The following PLEKHH2 variants were observed in gnomAD, a reference collection of about 807,000 sequenced individuals.
The protein encoded by PLEKHH2 is pleckstrin homology domain-containing family H member 2.
A neutral mutation model predicts 187.9 loss-of-function variants in PLEKHH2; 129 were observed. That is an observed-to-expected ratio of 0.69 (90% CI 0.59 to 0.79). The LOEUF is 0.79. PLEKHH2 is among the 30% of genes least tolerant of loss of function. PLEKHH2 has a pLI of 0.00. For missense variants in PLEKHH2, 2,076 were observed against 1,751.2 expected (o/e 1.19, Z -3.31); for synonymous variants, 686 against 605.6 (o/e 1.13, Z -1.95).
chr2:43,644,254 A>C (rs943658392), intron 1 of PLEKHH2, among the ~76,000 whole-genome samples: 14 of 152,166 alleles, frequency 9.2e-5, no homozygotes, highest in African/African-American at 3.1e-4. Context: ...AAACAATCTT[A>C]TCTGTTGGGC....
At chr2:43,750,721 A>G (rs1290644899) in intron 24 of PLEKHH2, among the ~76,000 whole-genome samples, 3 of 152,198 alleles carry the variant, frequency 2.0e-5, no homozygotes, top group Non-Finnish European at 4.4e-5. Context: ...CTTGCCTAAG[A>G]CTATGAAAGG....
chr2:43,711,962 TAAAC>T (rs1669989647), intron 14 of PLEKHH2: 1 of 1,130,804 alleles, frequency 8.8e-7, no homozygotes, highest in Non-Finnish European at 1.1e-6. Flanking sequence ...ATGTGACAAA[TAAAC>T]AAGATATAAA....
chr2:43,645,869 A>G (rs940738830), intron 2 of PLEKHH2, among the ~76,000 whole-genome samples: 1 of 152,160 alleles, frequency 6.6e-6, no homozygotes, highest in Non-Finnish European at 1.5e-5. Flanking sequence ...CTGAAACACT[A>G]ATCTGCATAA....
intron 3 of PLEKHH2, among the ~76,000 whole-genome samples, chr2:43,684,628 A>T (rs10168039): frequency 0.021 from 3,253 of 152,072 alleles, 129 homozygotes; most frequent in African/African-American, 0.074. Flanking sequence ...GATTCAAGGG[A>T]AGCAAACCAC....
At chr2:43,732,819 C>T (rs1671108505) in intron 19 of PLEKHH2, among the ~76,000 whole-genome samples, 1 of 152,144 alleles carries the variant, frequency 6.6e-6, no homozygotes, top group South Asian at 2.1e-4. Flanking sequence ...CAGATCCCAA[C>T]CTAGATCAGT....
chr2:43,700,659 C>CT (rs566038438), intron 8 of PLEKHH2, 51 bp downstream of exon 8: 455 of 1,516,742 alleles, frequency 3.0e-4, no homozygotes, highest in Middle Eastern at 5.3e-4. Context: ...TTTCTCAACA[C>CT]TTTTTTTTTC....
At chr2:43,703,916 CTTTTTTTTTTTTTT>C (rs10530805) in intron 8 of PLEKHH2, 51 bp from the exon 9 acceptor site, 2 of 384,586 alleles carry the variant, frequency 5.2e-6, no homozygotes, top group East Asian at 7.6e-5. Flanking sequence ...TGAAAGTAGT[CTTTTTTTTTTTTTT>C]TTTTTTTTTT....
At chr2:43,728,129 C>G (rs1670854778) in intron 17 of PLEKHH2, among the ~76,000 whole-genome samples, 3 of 152,026 alleles carry the variant, frequency 2.0e-5, no homozygotes, top group Non-Finnish European at 4.4e-5. Flanking sequence ...TCAAGAGTTC[C>G]TAAAAGTTTT....
At chr2:43,762,216 G>A (rs1265015486) in intron 27 of PLEKHH2, 88 bp from the exon 28 acceptor site, 1 of 1,004,242 alleles carries the variant, frequency 1.0e-6, no homozygotes, top group East Asian at 2.4e-5. Flanking sequence ...GTTGTTTAAT[G>A]GCAAATGTTA....
At chr2:43,744,641 G>A (rs912737426) in intron 23 of PLEKHH2, among the ~76,000 whole-genome samples, 6 of 152,126 alleles carry the variant, frequency 3.9e-5, no homozygotes. Flanking sequence ...GCCGGGTCAG[G>A]TGGATCATTT....
At chr2:43,715,367 A>G (rs116366633) in intron 15 of PLEKHH2, among the ~76,000 whole-genome samples, 1 of 152,160 alleles carries the variant, frequency 6.6e-6, no homozygotes, top group Non-Finnish European at 1.5e-5. Context: ...GGGCCTATGG[A>G]TGGTGGAAAG....
Position 43,712,223 on chromosome 2 carries a change from A to G in PLEKHH2, c.2302-2A>G. ...TCCTATACCTTTCTCGTTGCATTCT[A>G]GTTGACCACTGAAAAACACACATAC... On this transcript the variant is annotated splice_acceptor_variant, in intron 14 of 29. Transcript: ENST00000282406. LOFTEE classifies it high-confidence loss of function. 6.2e-7 allele frequency: 1 copy of G among 1,611,758 alleles called. No homozygotes were observed. The highest frequency in any genetic ancestry group is 1.1e-5 in the South Asian group (1 of 91,012).
intron 17 of PLEKHH2, among the ~76,000 whole-genome samples, chr2:43,728,061 C>A (rs1020056233): frequency 6.6e-6 from 1 of 152,066 alleles, no homozygotes; most frequent in African/African-American, 2.4e-5. Context: ...CTCCTATATA[C>A]CACTGGTGAG....
chr2:43,649,218 T>C (rs1666351096), intron 2 of PLEKHH2, among the ~76,000 whole-genome samples: 1 of 152,204 alleles, frequency 6.6e-6, no homozygotes, highest in African/African-American at 2.4e-5. Flanking sequence ...TATAAACTCT[T>C]CAGGGAAGCT....
At chr2:43,640,713 T>A (rs1050499149) in intron 1 of PLEKHH2, among the ~76,000 whole-genome samples, 10 of 152,188 alleles carry the variant, frequency 6.6e-5, no homozygotes, top group African/African-American at 2.4e-4. Context: ...TTATTGGCCA[T>A]TTGTATATCT....
chr2:43,764,089 T>G, intron 28 of PLEKHH2, 139 bp from the exon 29 acceptor site: 1 of 500,414 alleles, frequency 2.0e-6, no homozygotes, highest in Non-Finnish European at 3.2e-6. Flanking sequence ...TCATAATACA[T>G]TTTATTTTAG....
intron 14 of PLEKHH2, chr2:43,711,260 G>A: frequency 2.0e-6 from 2 of 985,434 alleles, no homozygotes; most frequent in South Asian, 4.7e-5. Context: ...TGCCAGAAAG[G>A]TACATTATCA....
At chr2:43,682,366 G>T (rs1053851969) in intron 3 of PLEKHH2, among the ~76,000 whole-genome samples, 3 of 152,046 alleles carry the variant, frequency 2.0e-5, no homozygotes, top group Non-Finnish European at 4.4e-5. Context: ...GAGTGCAGTG[G>T]TGCCATCTCA....
intron 3 of PLEKHH2, among the ~76,000 whole-genome samples, chr2:43,687,885 C>G (rs1260994697): frequency 2.6e-5 from 4 of 152,106 alleles, no homozygotes; most frequent in Non-Finnish European, 4.4e-5. Flanking sequence ...CAGCCTTGAC[C>G]TCTCAGGCTC....
Sources: gnomAD v4.1 joint callset for allele counts (sites outside exome capture counted in the v4.1 genomes callset) on GRCh38, gnomAD v4.1.1 for gene constraint, MANE v1.5 for transcripts, NCBI Gene and HGNC (gene_info 2026-07-23, HGNC 2026-07-21) for gene names.